Variants in CWC27 observed in about 807,000 individuals in gnomAD.
The protein encoded by CWC27 is spliceosome-associated protein CWC27 homolog.
A neutral mutation model predicts 63.6 loss-of-function variants in CWC27; 47 were observed. The ratio of observed to expected loss-of-function variants is 0.74; its 90% CI spans 0.58 to 0.94. The LOEUF is 0.94. Among genes scored for constraint, CWC27 ranks in the 40% least tolerant of loss-of-function variants. CWC27 has a pLI of 0.00. For missense variants in CWC27, 495 were observed against 554.3 expected, an observed-to-expected ratio of 0.89 and a Z score of 1.07; for synonymous variants, 175 against 179.8, an observed-to-expected ratio of 0.97 and a Z score of 0.22.
intron 11 of CWC27, among the ~76,000 whole-genome samples, chr5:64,946,524 G>A (rs958820631): frequency 1.3e-5 from 2 of 152,222 alleles, no homozygotes; most frequent in African/African-American, 2.4e-5. Context: ...AGTGTGATGG[G>A]CATTCAGATT....
In CWC27 at chr5:64,989,968, A is replaced by G. The variant is rs976871234; in HGVS notation, c.1256+12730A>G. 4.3e-4 allele frequency among the ~76,000 whole-genome samples: 64 copies of G among 147,198 alleles called. 1 individual carries two copies. The highest frequency in any genetic ancestry group is 5.6e-4 in the Non-Finnish European group (37 of 66,386). On this transcript the variant is annotated intron_variant, in intron 13 of 13. Transcript: ENST00000381070. Reference sequence around the variant, plus strand: ...AGGTATTTGGCTCAGTTAATCTGAGAAAAAAAAAAAGCAATACTGGTAGTT... The same window carrying G: ...AGGTATTTGGCTCAGTTAATCTGAGGAAAAAAAAAAGCAATACTGGTAGTT...
rs558417335 is a variant in CWC27 at position 64,910,256 on chromosome 5, G to A, written c.1042+24710G>A. ...CCCTGTTTGCCTGGGTATCACCAGC[G>A]GAGGCTGCAGAACAGCAAATATTGC... On this transcript the variant is annotated intron_variant, in intron 11 of 13. Coordinates refer to ENST00000381070, the MANE Select transcript of CWC27 (RefSeq NM_005869.4). Among the ~76,000 whole-genome samples, 257 of 152,292 alleles carry A rather than the reference G, an allele frequency of 1.7e-3. 1 individual carries two copies. Among genetic ancestry groups the A allele is most frequent in the African/African-American group, 5.8e-3 (239 of 41,554 alleles).
At position 64,977,142 on chromosome 5, in the gene CWC27, C is replaced by T. The variant is rs914036534; in HGVS notation, c.1160C>T (p.Ala387Val). 1.2e-6 allele frequency: 2 copies of T among 1,602,370 alleles called. No individual in the cohort carries two copies. Among genetic ancestry groups the T allele is most frequent in the African/African-American group, 1.3e-5 (1 of 74,730 alleles). ...GTCTAATTGTTATTTCAGACCCTTGCACTGCTGAACCAGTTTAAATCTAAA... is the reference window on the plus strand; with the variant it reads ...GTCTAATTGTTATTTCAGACCCTTGTACTGCTGAACCAGTTTAAATCTAAA... ...KGTSREDQTL[A>V]LLNQFKSKLT... The change falls in exon 13 of 14, where the codon GCA (alanine) becomes GTA (valine). Residue 387 changes from alanine to valine, a missense_variant. By Grantham distance (64) the Ala-to-Val change is moderately conservative. Coordinates refer to ENST00000381070, the MANE Select transcript of CWC27 (RefSeq NM_005869.4).
chr5:64,988,601 TA>T (rs373348583), intron 13 of CWC27, among the ~76,000 whole-genome samples: 1,389 of 128,526 alleles, frequency 0.011, 29 homozygotes, highest in African/African-American at 0.039. Flanking sequence ...GCTGTTAGAC[TA>T]TTTTTTTTTT....
At chr5:64,867,712 C>T (rs1258378723) in intron 10 of CWC27, among the ~76,000 whole-genome samples, 1 of 152,054 alleles carries the variant, frequency 6.6e-6, no homozygotes, top group African/African-American at 2.4e-5. Context: ...GACCTGACCT[C>T]ATGTGTGAAG....
At chr5:64,984,240 T>A (rs1364872063) in intron 13 of CWC27, among the ~76,000 whole-genome samples, 1 of 152,236 alleles carries the variant, frequency 6.6e-6, no homozygotes, top group Admixed American at 6.5e-5. Flanking sequence ...GGGTAGGTAT[T>A]ATTTATTATC....
chr5:64,886,627 T>G (rs1376934698), intron 11 of CWC27, among the ~76,000 whole-genome samples: 2 of 152,114 alleles, frequency 1.3e-5, no homozygotes, highest in Non-Finnish European at 2.9e-5. Context: ...GTAGCATGAG[T>G]AATACCAGAT....
At chr5:64,788,192 C>T (rs945318972) in intron 6 of CWC27, among the ~76,000 whole-genome samples, 2 of 151,888 alleles carry the variant, frequency 1.3e-5, no homozygotes, top group East Asian at 1.9e-4. Context: ...ATATGCAGTG[C>T]GTCATCACTA....
At chr5:64,818,998 T>C (rs1278579458) in intron 10 of CWC27, among the ~76,000 whole-genome samples, 2 of 152,216 alleles carry the variant, frequency 1.3e-5, no homozygotes, top group African/African-American at 4.8e-5. Context: ...GGTCAATTAA[T>C]TAGTAATGAA....
intron 10 of CWC27, among the ~76,000 whole-genome samples, chr5:64,840,386 A>ATATATACATAT (rs1337676548): frequency 3.5e-5 from 2 of 56,860 alleles, no homozygotes; most frequent in Non-Finnish European, 6.8e-5. Flanking sequence ...AAAAAAAAAA[A>ATATATACATAT]AAAAAAAAAT....
intron 10 of CWC27, among the ~76,000 whole-genome samples, chr5:64,809,399 G>A (rs185726303): frequency 1.3e-5 from 2 of 152,074 alleles, no homozygotes; most frequent in African/African-American, 2.4e-5. Context: ...ACGCAGTCTC[G>A]CTCTGTTGCC....
At chr5:64,856,462 G>GTGTA (rs1228936968) in intron 10 of CWC27, among the ~76,000 whole-genome samples, 2 of 116,948 alleles carry the variant, frequency 1.7e-5, no homozygotes, top group East Asian at 5.7e-4. Flanking sequence ...GTGTATGTGT[G>GTGTA]TGTGTATGTG....
chr5:64,905,786 G>C (rs1298554681), intron 11 of CWC27, among the ~76,000 whole-genome samples: 2 of 151,488 alleles, frequency 1.3e-5, no homozygotes, highest in Non-Finnish European at 3.0e-5. Context: ...CCATTAACTT[G>C]TCATTTATGT....
chr5:64,919,287 G>A (rs1005048274), intron 11 of CWC27, among the ~76,000 whole-genome samples: 2 of 152,182 alleles, frequency 1.3e-5, no homozygotes, highest in African/African-American at 4.8e-5. Context: ...ATCTAAAGCA[G>A]TTTCTTTTAG....
chr5:64,941,995 A>T (rs1279081755), intron 11 of CWC27, among the ~76,000 whole-genome samples: 1 of 152,168 alleles, frequency 6.6e-6, no homozygotes, highest in African/African-American at 2.4e-5. Context: ...TCAGCAAATT[A>T]TAACTATTTT....
At chr5:64,932,591 T>G (rs1286419592) in intron 11 of CWC27, among the ~76,000 whole-genome samples, 2 of 152,144 alleles carry the variant, frequency 1.3e-5, no homozygotes, top group Non-Finnish European at 2.9e-5. Flanking sequence ...TCCTTGGTCT[T>G]TAAAATGCCC....
intron 10 of CWC27, among the ~76,000 whole-genome samples, chr5:64,871,873 A>G (rs1390247695): frequency 6.6e-6 from 1 of 152,138 alleles, no homozygotes; most frequent in African/African-American, 2.4e-5. Flanking sequence ...AGCACTGTTT[A>G]TCTAATTGCT....
rs140062546 is a variant in CWC27 at position 64,774,790 on chromosome 5, A to AAATTATGAC, written c.139+3_139+4insAATTATGAC. 824,073 of 1,543,156 alleles carry AAATTATGAC rather than the reference A, an allele frequency of 0.53. 227,281 individuals carry two copies. The highest frequency in any genetic ancestry group is 0.85 in the East Asian group (37,289 of 44,014). On this transcript the variant is annotated splice_donor_region_variant and intron_variant, in intron 2 of 13. Transcript: ENST00000381070. ...TTTTATCCAACTTTGTTTGGAAGGT[A>AAATTATGAC]TGTTGACTTTTATTCTACTGGAGAA...
intron 1 of CWC27, among the ~76,000 whole-genome samples, chr5:64,772,671 C>T (rs1432833462): frequency 7.2e-6 from 1 of 139,570 alleles, no homozygotes; most frequent in Non-Finnish European, 1.5e-5. Flanking sequence ...GGCGCAGTGG[C>T]TCATGCCTGT....
Sources: allele counts gnomAD v4.1 joint callset (sites outside exome capture counted in the v4.1 genomes callset), GRCh38; gene constraint gnomAD v4.1.1; transcripts MANE v1.5; gene names NCBI Gene and HGNC (gene_info 2026-07-23, HGNC 2026-07-21).